Variants in BABAM2 observed in about 807,000 individuals in gnomAD.
The protein encoded by BABAM2 is BRISC and BRCA1 A complex member 2.
A neutral mutation model predicts 54.7 loss-of-function variants in BABAM2; 31 were observed. That is an observed-to-expected ratio of 0.57 (90% CI 0.43 to 0.77). The LOEUF is 0.77. Ranked by LOEUF, BABAM2 falls within the 30% of genes least tolerant of loss-of-function variation. The pLI is 0.00. For missense variants in BABAM2, 364 were observed against 455.8 expected, an observed-to-expected ratio of 0.80 and a Z score of 1.83; for synonymous variants, 167 against 162.9, an observed-to-expected ratio of 1.03 and a Z score of -0.19.
intron 3 of BABAM2, among the ~76,000 whole-genome samples, chr2:27,937,946 G>A (rs1380307969): frequency 6.6e-6 from 1 of 152,050 alleles, no homozygotes; most frequent in African/African-American, 2.4e-5. Flanking sequence ...CCGATCTTAC[G>A]TTTAACTCTT....
At chr2:28,250,318 C>CTT (rs35545683) in intron 10 of BABAM2, among the ~76,000 whole-genome samples, 1,563 of 118,746 alleles carry the variant, frequency 0.013, 43 homozygotes, top group African/African-American at 0.041. Context: ...ATTTGTTGAA[C>CTT]TTTTTTTTTT....
At position 28,125,386 on chromosome 2, in the gene BABAM2, C is replaced by T. The variant is rs369661868; in HGVS notation, c.571-3885C>T. On this transcript the variant is annotated intron_variant, in intron 6 of 11. Transcript: ENST00000379624. ...TCGGCTCACTGCAATCTCCGCCTCC[C>T]GGGTTCAAGCAATTCTCCTGCCTCA... Among the ~76,000 whole-genome samples the T allele has an allele frequency of 3.4e-3, 511 of 152,124 alleles. 8 individuals carry two copies. The South Asian group carries it at 0.038, about 11-fold the overall frequency.
chr2:27,956,351 T>A lies in BABAM2; in HGVS notation c.205+26443T>A, dbSNP rs185513954. On this transcript the variant is annotated intron_variant, in intron 3 of 11. Coordinates refer to ENST00000379624, the MANE Select transcript of BABAM2 (RefSeq NM_199191.3). ...AATAACATCATAGAAACACCCCAAA[T>A]CCTGATAGTGCGCTAAGGATGGCAT... 2.4e-4 allele frequency among the ~76,000 whole-genome samples: 36 copies of A among 152,252 alleles called. 1 individual carries two copies. The East Asian group carries it at 6.8e-3, about 29-fold the overall frequency.
At chr2:28,306,871 T>C (rs1337838846) in intron 11 of BABAM2, among the ~76,000 whole-genome samples, 3 of 151,190 alleles carry the variant, frequency 2.0e-5, no homozygotes, top group Admixed American at 1.3e-4. Context: ...CTAATTTTTG[T>C]ATTTTTAGTA....
chr2:27,959,702 G>A (rs1670334438), intron 3 of BABAM2, among the ~76,000 whole-genome samples: 1 of 152,072 alleles, frequency 6.6e-6, no homozygotes, highest in Admixed American at 6.5e-5. Context: ...TGTCTGACTT[G>A]CGTAATTTTC....
chr2:28,153,388 A>G (rs527406323), intron 7 of BABAM2, among the ~76,000 whole-genome samples: 15 of 152,356 alleles, frequency 9.8e-5, no homozygotes, highest in South Asian at 4.1e-4. Flanking sequence ...GTTCATATAC[A>G]TATAGATTTC....
At chr2:28,067,340 T>C (rs1293111588) in intron 6 of BABAM2, among the ~76,000 whole-genome samples, 1 of 152,242 alleles carries the variant, frequency 6.6e-6, no homozygotes, top group Non-Finnish European at 1.5e-5. Context: ...GTTATTAATA[T>C]ATTGTCCCTG....
At chr2:28,062,085 C>T (rs932238450) in intron 6 of BABAM2, among the ~76,000 whole-genome samples, 6 of 152,024 alleles carry the variant, frequency 3.9e-5, no homozygotes, top group African/African-American at 7.2e-5. Flanking sequence ...TGGCAAAACC[C>T]TTTCTCTACT....
At chr2:28,294,251 G>T (rs1687507075) in intron 10 of BABAM2, among the ~76,000 whole-genome samples, 1 of 152,014 alleles carries the variant, frequency 6.6e-6, no homozygotes, top group Admixed American at 6.6e-5. Context: ...ATGACGGCAG[G>T]CGTCTGTAAT....
At chr2:28,306,767 G>A (rs1056965156) in intron 11 of BABAM2, among the ~76,000 whole-genome samples, 1 of 151,690 alleles carries the variant, frequency 6.6e-6, no homozygotes, top group Non-Finnish European at 1.5e-5. Flanking sequence ...TGTGACCTCG[G>A]CTCATGGCAA....
chr2:28,066,331 A>G (rs964016079), intron 6 of BABAM2, among the ~76,000 whole-genome samples: 4 of 152,132 alleles, frequency 2.6e-5, no homozygotes, highest in Admixed American at 2.6e-4. Flanking sequence ...TCATATCAGT[A>G]ATATGACAGC....
At chr2:28,273,413 T>G (rs1685603676) in intron 10 of BABAM2, among the ~76,000 whole-genome samples, 1 of 152,172 alleles carries the variant, frequency 6.6e-6, no homozygotes, top group Admixed American at 6.5e-5. Flanking sequence ...GCTGAACTTG[T>G]GTGGTTTTAA....
At chr2:28,184,282 C>CTG (rs1676016629) in intron 7 of BABAM2, among the ~76,000 whole-genome samples, 1 of 121,508 alleles carries the variant, frequency 8.2e-6, no homozygotes, top group African/African-American at 2.9e-5. Flanking sequence ...CTCTCTCTCT[C>CTG]TCTCCCCCCC....
intron 11 of BABAM2, among the ~76,000 whole-genome samples, chr2:28,306,974 G>GCATGAGC (rs1411372629): frequency 7.3e-6 from 1 of 137,686 alleles, no homozygotes; most frequent in Non-Finnish European, 1.5e-5. Flanking sequence ...GGGATTACAG[G>GCATGAGC]CATGAGCCAC....
At chr2:27,950,415 G>C (rs1669623518) in intron 3 of BABAM2, among the ~76,000 whole-genome samples, 1 of 151,916 alleles carries the variant, frequency 6.6e-6, no homozygotes. Flanking sequence ...ATGATCATGT[G>C]GTTTTTCTCT....
chr2:28,127,773 T>G (rs1669683754), intron 6 of BABAM2, among the ~76,000 whole-genome samples: 1 of 151,020 alleles, frequency 6.6e-6, no homozygotes, highest in Admixed American at 6.6e-5. Context: ...GTATTTGAGG[T>G]TGAAGATACA....
At chr2:28,178,343 GA>G (rs1174316517) in intron 7 of BABAM2, among the ~76,000 whole-genome samples, 5 of 152,020 alleles carry the variant, frequency 3.3e-5, no homozygotes, top group African/African-American at 1.2e-4. Context: ...TCAAAAAGAA[GA>G]AGAACTTCAG....
At position 28,322,564 on chromosome 2, in the gene BABAM2, C is replaced by G. The variant is rs1164781133; in HGVS notation, c.1089-15886C>G. Among the ~76,000 whole-genome samples the G allele has an allele frequency of 1.3e-5, 2 of 152,236 alleles. No individual in the cohort carries two copies. ...CCTGCCTTGAACAAGATCCTGAGGT[C>G]TCGCCCAACAGCAAGGTTCTCTGGT... is the stretch of plus-strand genomic sequence containing the variant. On this transcript the variant is annotated intron_variant, in intron 11 of 11. Coordinates refer to ENST00000379624, the MANE Select transcript of BABAM2 (RefSeq NM_199191.3). This position sits in a 1 kb window ranked among gnomAD's most constrained non-coding sequence, Gnocchi z 4.1.
intron 10 of BABAM2, among the ~76,000 whole-genome samples, chr2:28,271,816 T>C (rs906780845): frequency 5.3e-5 from 8 of 152,268 alleles, no homozygotes; most frequent in Non-Finnish European, 1.2e-4. Flanking sequence ...ATTTTATGTA[T>C]GCATTTATGC....
Sources: gnomAD v4.1 joint callset for allele counts (sites outside exome capture counted in the v4.1 genomes callset) on GRCh38, gnomAD v4.1.1 for gene constraint, Gnocchi (gnomAD v3.1) non-coding constraint, MANE v1.5 for transcripts, NCBI Gene and HGNC (gene_info 2026-07-23, HGNC 2026-07-21) for gene names.